The following KRCC1 variants were observed in gnomAD, a reference collection of about 807,000 sequenced individuals.
KRCC1 encodes lysine-rich coiled-coil protein 1.
A neutral mutation model predicts 7.4 loss-of-function variants in KRCC1; 3 were observed. The ratio of observed to expected loss-of-function variants is 0.40; its 90% CI spans 0.18 to 1.04. KRCC1 has a LOEUF of 1.04. KRCC1 is among the 50% of genes least tolerant of loss of function. The pLI is 0.33. For synonymous variants in KRCC1, 102 were observed against 101.6 expected (o/e 1.00, Z -0.02); for missense variants, 277 against 300.9 (o/e 0.92, Z 0.59).
chr2:88,033,956 G>A (rs944931450), intron 3 of KRCC1, among the ~76,000 whole-genome samples, 178 bp downstream of exon 3: 1 of 152,092 alleles, frequency 6.6e-6, no homozygotes, highest in Non-Finnish European at 1.5e-5. Flanking sequence ...ACTGATAAAT[G>A]GATAAACAAA....
chr2:88,047,691 G>C (rs1350131075), intron 1 of KRCC1, among the ~76,000 whole-genome samples: 3 of 151,754 alleles, frequency 2.0e-5, no homozygotes, highest in African/African-American at 7.3e-5. Context: ...ACCACGCCTG[G>C]CTAATTGTTT....
At chr2:88,053,506 CTTAT>C (rs1302537821) in intron 1 of KRCC1, among the ~76,000 whole-genome samples, 2 of 152,250 alleles carry the variant, frequency 1.3e-5, no homozygotes, top group Admixed American at 1.3e-4. Flanking sequence ...ACTGCTCAGG[CTTAT>C]TTATTAGTGA....
intron 1 of KRCC1, among the ~76,000 whole-genome samples, chr2:88,045,656 A>C (rs1025606938): frequency 3.3e-5 from 5 of 151,916 alleles, no homozygotes; most frequent in African/African-American, 1.2e-4. Context: ...GTTTCATGGG[A>C]GCATACACCT....
intron 2 of KRCC1, among the ~76,000 whole-genome samples, chr2:88,035,772 T>A (rs182447271): frequency 6.6e-6 from 1 of 152,308 alleles, no homozygotes; most frequent in African/African-American, 2.4e-5. Flanking sequence ...TGAAAGTTAT[T>A]TTTAAAATTT....
intron 1 of KRCC1, among the ~76,000 whole-genome samples, chr2:88,045,822 T>A (rs1673318172): frequency 6.6e-6 from 1 of 152,002 alleles, no homozygotes; most frequent in Admixed American, 6.6e-5. Context: ...TAGCTGGGAT[T>A]ACAGGCATGA....
At chr2:88,039,861 T>C (rs1303722584) in intron 1 of KRCC1, among the ~76,000 whole-genome samples, 1 of 152,118 alleles carries the variant, frequency 6.6e-6, no homozygotes, top group Non-Finnish European at 1.5e-5. Flanking sequence ...GATGTGATGG[T>C]GACTTTTCCA....
intron 1 of KRCC1, among the ~76,000 whole-genome samples, chr2:88,046,769 C>T (rs549780267): frequency 3.3e-5 from 5 of 152,328 alleles, no homozygotes; most frequent in African/African-American, 7.2e-5. Flanking sequence ...CTCCCAGGCT[C>T]AATTGATCCT....
chr2:88,052,631 A>G (rs1308948164), intron 1 of KRCC1, among the ~76,000 whole-genome samples: 7 of 152,246 alleles, frequency 4.6e-5, no homozygotes, highest in African/African-American at 1.4e-4. Flanking sequence ...TCATCAAAAG[A>G]CTTGTCACAG....
chr2:88,028,373 G>A lies in KRCC1; in HGVS notation c.191C>T (p.Pro64Leu). 7 of 1,614,104 alleles carry A rather than the reference G, an allele frequency of 4.3e-6. No individual in the cohort carries two copies. Among genetic ancestry groups the A allele is most frequent in the Non-Finnish European group, 5.9e-6 (7 of 1,180,004 alleles). The change falls in exon 4 of 4, where the codon CCA (proline) becomes CTA (leucine). Residue 64 changes from proline (P) to leucine (L), a missense_variant. Transcript: ENST00000347055. ...PTYRMFDQRLPSETIQTYPRS... is the reference protein window; with the variant it reads ...PTYRMFDQRLLSETIQTYPRS... ...TGGGTAGGTCTGGATGGTTTCAGAT[G>A]GGAGTCTCTGGTCAAACATTCTATA...
intron 1 of KRCC1, among the ~76,000 whole-genome samples, chr2:88,039,210 C>CA (rs1673154445): frequency 6.6e-6 from 1 of 151,756 alleles, no homozygotes; most frequent in Non-Finnish European, 1.5e-5. Context: ...TTAATTTTTG[C>CA]AAAAAATATA....
At chr2:88,054,908 GC>G (rs1673580002) in intron 1 of KRCC1, among the ~76,000 whole-genome samples, 1 of 152,188 alleles carries the variant, frequency 6.6e-6, no homozygotes, top group Non-Finnish European at 1.5e-5. Flanking sequence ...GCTGGAGGCT[GC>G]AGCGAGCTAT....
intron 2 of KRCC1, 122 bp from the exon 3 acceptor site, chr2:88,034,414 T>A (rs1231102718): frequency 5.3e-5 from 8 of 152,218 alleles, no homozygotes; most frequent in African/African-American, 1.9e-4. Flanking sequence ...TTGCTTCTTA[T>A]AAATCTGAAA....
chr2:88,028,644 C>CTTTTTT (rs35917852), intron 3 of KRCC1, 59 bp from the exon 4 acceptor site: 62 of 503,220 alleles, frequency 1.2e-4, no homozygotes, highest in African/African-American at 1.4e-4. Flanking sequence ...TTCCTTTGCT[C>CTTTTTT]TTTTTTTTTT....
chr2:88,048,125 C>T (rs1420653993), intron 1 of KRCC1, among the ~76,000 whole-genome samples: 1 of 150,020 alleles, frequency 6.7e-6, no homozygotes, highest in Non-Finnish European at 1.5e-5. Context: ...TCTTGTTGCG[C>T]AGGCTGGGGT....
Position 88,035,254 on chromosome 2 carries a change from C to T in KRCC1, c.-181-962G>A, listed in dbSNP as rs1010586213. Among the ~76,000 whole-genome samples, 3 of 152,012 alleles carry T rather than the reference C, an allele frequency of 2.0e-5. No individual in the cohort carries two copies. The East Asian group carries it at 5.8e-4, about 29-fold the overall frequency. On this transcript the variant is annotated intron_variant, in intron 2 of 3. Transcript: ENST00000347055. Reference sequence around the variant, plus strand: ...CCTTCCAATACATTTTTTTCTTCTTCCTTAGTAACAAACCTTAGGAAATGT... The same window carrying T: ...CCTTCCAATACATTTTTTTCTTCTTTCTTAGTAACAAACCTTAGGAAATGT...
intron 1 of KRCC1, among the ~76,000 whole-genome samples, chr2:88,048,241 G>A (rs1028037938): frequency 2.6e-5 from 4 of 151,770 alleles, no homozygotes; most frequent in African/African-American, 9.7e-5. Context: ...CGCTACCATG[G>A]CTGGCTAATT....
intron 1 of KRCC1, among the ~76,000 whole-genome samples, chr2:88,047,530 A>C (rs938939627): frequency 2.6e-5 from 4 of 152,144 alleles, no homozygotes; most frequent in African/African-American, 9.7e-5. Flanking sequence ...ATAACAGCAT[A>C]ATAGGTTTGT....
intron 1 of KRCC1, among the ~76,000 whole-genome samples, chr2:88,050,950 G>T (rs143674924): frequency 0.022 from 3,126 of 143,364 alleles, 205 homozygotes; most frequent in East Asian, 0.13. Context: ...TTGAGACAGG[G>T]TCTTGCTCTG....
At chr2:88,048,152 G>A (rs1049842878) in intron 1 of KRCC1, among the ~76,000 whole-genome samples, 7 of 149,224 alleles carry the variant, frequency 4.7e-5, no homozygotes, top group South Asian at 2.1e-4. Flanking sequence ...GTGGGATCTC[G>A]GCTCACAGCA....
Sources: allele counts gnomAD v4.1 joint callset (sites outside exome capture counted in the v4.1 genomes callset), GRCh38; gene constraint gnomAD v4.1.1; transcripts MANE v1.5; gene names NCBI Gene and HGNC (gene_info 2026-07-23, HGNC 2026-07-21).